The following PKD1L1 variants were observed in gnomAD, a reference collection of about 807,000 sequenced individuals.
PKD1L1 encodes the protein polycystin-1-like protein 1.
PKD1L1 carries 236 observed loss-of-function variants against 323.4 expected under a neutral mutation model. The ratio of observed to expected loss-of-function variants is 0.73; its 90% CI spans 0.66 to 0.81. The LOEUF (loss-of-function observed/expected upper bound fraction) is 0.81, where lower values mean the gene tolerates loss of function less well. Among genes scored for constraint, PKD1L1 ranks in the 40% least tolerant of loss-of-function variants. PKD1L1 has a pLI of 0.00. For missense variants in PKD1L1, 3,320 were observed against 3,508.0 expected (o/e 0.95, Z 1.35); for synonymous variants, 1,344 against 1,335.0 (o/e 1.01, Z -0.15).
intron 8 of PKD1L1, among the ~76,000 whole-genome samples, chr7:47,914,968 GACA>G (rs1787397751): frequency 6.6e-6 from 1 of 152,296 alleles, no homozygotes; most frequent in East Asian, 1.9e-4. Flanking sequence ...AAGCCATAAA[GACA>G]ACATCAGGAC....
chr7:47,864,746 T>C (rs1156948820), intron 26 of PKD1L1, among the ~76,000 whole-genome samples: 2 of 140,794 alleles, frequency 1.4e-5, no homozygotes, highest in African/African-American at 5.3e-5. Flanking sequence ...TTTGATGGAG[T>C]CTCACTCTGT....
intron 50 of PKD1L1, among the ~76,000 whole-genome samples, chr7:47,810,974 A>G (rs1019433691): frequency 6.6e-6 from 1 of 151,902 alleles, no homozygotes; most frequent in African/African-American, 2.4e-5. Context: ...ACACAAAGAG[A>G]CTCTAGACAG....
At chr7:47,927,015 G>T (rs181203108) in intron 7 of PKD1L1, among the ~76,000 whole-genome samples, 1 of 152,170 alleles carries the variant, frequency 6.6e-6, no homozygotes, top group African/African-American at 2.4e-5. Flanking sequence ...CAGGCTTTAT[G>T]CCAGGATATA....
chr7:47,808,034 G>A (rs923716000), intron 52 of PKD1L1, among the ~76,000 whole-genome samples: 13 of 152,126 alleles, frequency 8.5e-5, no homozygotes, highest in African/African-American at 2.9e-4. Context: ...TCTGCTCCAC[G>A]CAGAATCCAC....
intron 26 of PKD1L1, among the ~76,000 whole-genome samples, chr7:47,861,930 C>CA (rs1786038876): frequency 7.0e-6 from 1 of 143,648 alleles, no homozygotes; most frequent in Non-Finnish European, 1.5e-5. Flanking sequence ...CGTGGTGGCT[C>CA]ACATCTGTAA....
chr7:47,795,518 T>G (rs2348459), intron 55 of PKD1L1: 1 of 365,322 alleles, frequency 2.7e-6, no homozygotes, highest in Admixed American at 3.5e-5. Context: ...CAAACTAATA[T>G]ATCAGCCATG....
intron 54 of PKD1L1, among the ~76,000 whole-genome samples, chr7:47,797,586 G>A (rs377177953): frequency 6.6e-6 from 1 of 152,210 alleles, no homozygotes; most frequent in Non-Finnish European, 1.5e-5. Context: ...TTGCCTGCCT[G>A]TCTCAGAAGA....
At chr7:47,909,589 T>C (rs2128751759) in intron 8 of PKD1L1, among the ~76,000 whole-genome samples, 1 of 152,324 alleles carries the variant, frequency 6.6e-6, no homozygotes, top group Admixed American at 6.5e-5. Context: ...GTCTTTCTTG[T>C]CCTCAAACCT....
chr7:47,891,626 GGCTCAGGAACTACCCT>G (rs1413955112), intron 15 of PKD1L1, among the ~76,000 whole-genome samples: 2 of 152,238 alleles, frequency 1.3e-5, no homozygotes, highest in Non-Finnish European at 2.9e-5. Flanking sequence ...GTACTGTGAT[GGCTCAGGAACTACCCT>G]GCTCAGCAGG....
In PKD1L1 at chr7:47,833,149, GC is replaced by G. The variant is rs1452168604; in HGVS notation, c.6277del (p.Ala2093LeufsTer8). The G allele has an allele frequency of 1.2e-6, 2 of 1,612,688 alleles. No individual in the cohort carries two copies. The highest frequency in any genetic ancestry group is 1.3e-5 in the African/African-American group (1 of 75,046). On this transcript the variant is annotated frameshift_variant, in exon 41 of 57. Transcript: ENST00000289672. LOFTEE classifies it high-confidence loss of function. The part of the protein sequence containing the change: ...CPAPKLQVHG[A>X]DHSRTSLMGK... Reference sequence around the variant, plus strand: ...CATCAGAGAAGTCCTGCTGTGGTCAGCCCCATGAACCTGCAGCTTAGGGGCT... The same window carrying G: ...CATCAGAGAAGTCCTGCTGTGGTCAGCCCATGAACCTGCAGCTTAGGGGCT...
intron 30 of PKD1L1, among the ~76,000 whole-genome samples, chr7:47,853,673 G>A (rs1185956747): frequency 4.0e-5 from 6 of 151,178 alleles, no homozygotes; most frequent in East Asian, 1.9e-4. Flanking sequence ...AACCCGGGAG[G>A]CAGAGGTTGC....
Position 47,905,363 on chromosome 7 carries a change from T to C in PKD1L1, c.1523-38A>G, listed in dbSNP as rs116654794. 1.9e-3 allele frequency: 3,003 copies of C among 1,596,428 alleles called. 46 individuals carry two copies. In the African/African-American group the frequency reaches 0.033, roughly 18 times the overall value. On this transcript the variant is annotated intron_variant, in intron 10 of 56. Coordinates refer to ENST00000289672, the MANE Select transcript of PKD1L1 (RefSeq NM_138295.5). The stretch of plus-strand genomic sequence containing the variant: ...AAAGGAAGGTATGTCTATGTCAACA[T>C]AGGAGGGCTGGAATCTCCAGAGAAA...
intron 23 of PKD1L1, 49 bp from the exon 24 acceptor site, chr7:47,874,059 A>T (rs200102530): frequency 1.7e-6 from 2 of 1,188,404 alleles, no homozygotes; most frequent in African/African-American, 3.0e-5. Flanking sequence ...TGTGGGTTAC[A>T]GAGATGCTTC....
At chr7:47,846,591 G>A (rs565892055) in intron 32 of PKD1L1, among the ~76,000 whole-genome samples, 273 of 152,340 alleles carry the variant, frequency 1.8e-3, no homozygotes, top group Non-Finnish European at 3.7e-3. Context: ...GTCTTCAACA[G>A]ACACTTACTA....
At position 47,776,889 on chromosome 7, in the gene PKD1L1, ATTTAT is replaced by A. The variant is rs531934265; in HGVS notation, c.8527-1728_8527-1724del. ...GACACTTAAATTCTTTTTTATTTTT[ATTTAT>A]TTATTTATTTTTTTTGAGAAGGAGT... On this transcript the variant is annotated intron_variant, in intron 56 of 56. Transcript: ENST00000289672. Among the ~76,000 whole-genome samples, 994 of 152,038 alleles carry A rather than the reference ATTTAT, an allele frequency of 6.5e-3. 6 individuals carry two copies. Among genetic ancestry groups the A allele is most frequent in the Non-Finnish European group, 9.2e-3 (625 of 67,952 alleles).
Position 47,840,387 on chromosome 7 carries a change from T to C in PKD1L1, c.5552+74A>G. On this transcript the variant is annotated intron_variant, in intron 35 of 56. Coordinates refer to ENST00000289672, the MANE Select transcript of PKD1L1 (RefSeq NM_138295.5). The surrounding 1 kb of genome is among the most constrained non-coding windows in gnomAD (Gnocchi z 4.1). The stretch of plus-strand genomic sequence containing the variant: ...CAATGTTATGTATTCTACTGTTTTG[T>C]ATTTGTGATAAGGTTACACCAATTC... The C allele has an allele frequency of 9.6e-7, 1 of 1,046,018 alleles. No individual in the cohort carries two copies. Among genetic ancestry groups the C allele is most frequent in the Non-Finnish European group, 1.5e-6 (1 of 676,332 alleles). The allele number at this position is 1,046,018 out of a possible 1,614,324, so 64.8% of individuals were successfully genotyped here. A position where few individuals can be genotyped will look rare whatever the true frequency, so the allele number is the denominator to read the frequency against.
At chr7:47,874,187 CA>C (rs1221638340) in intron 23 of PKD1L1, among the ~76,000 whole-genome samples, 177 bp from the exon 24 acceptor site, 1 of 152,138 alleles carries the variant, frequency 6.6e-6, no homozygotes, top group East Asian at 1.9e-4. Context: ...AATGGACTGT[CA>C]AGGCTTGGGG....
intron 47 of PKD1L1, among the ~76,000 whole-genome samples, chr7:47,814,337 T>C (rs746386304): frequency 6.6e-6 from 1 of 152,194 alleles, no homozygotes. Context: ...TACAACAAAA[T>C]AAAATTATAA....
At chr7:47,810,094 A>G (rs1784862192) in intron 50 of PKD1L1, among the ~76,000 whole-genome samples, 1 of 152,152 alleles carries the variant, frequency 6.6e-6, no homozygotes, top group African/African-American at 2.4e-5. Context: ...CATGCCTTTA[A>G]TCACTAACCC....
Sources: gnomAD v4.1 joint callset for allele counts (sites outside exome capture counted in the v4.1 genomes callset) on GRCh38, gnomAD v4.1.1 for gene constraint, Gnocchi (gnomAD v3.1) non-coding constraint, MANE v1.5 for transcripts, NCBI Gene and HGNC (gene_info 2026-07-23, HGNC 2026-07-21) for gene names.